ZNF808: variants seen among roughly 807,000 people sequenced by gnomAD.
ZNF808 encodes the protein zinc finger protein 808.
Under a neutral mutation model 8.7 loss-of-function variants are expected in ZNF808, and 5 were observed. That is an observed-to-expected ratio of 0.58 (90% CI 0.30 to 1.21). The LOEUF is 1.21. Among genes scored for constraint, ZNF808 ranks in the 50% most tolerant of loss-of-function variants. The pLI, the probability that ZNF808 is intolerant of heterozygous loss-of-function variation, is 0.07. For missense variants in ZNF808, 1,103 were observed against 1,098.4 expected, an observed-to-expected ratio of 1.00 and a Z score of -0.06; for synonymous variants, 380 against 366.0, an observed-to-expected ratio of 1.04 and a Z score of -0.44.
At chr19:52,561,364 T>C (rs544080088) in intron 3 of ZNF808, among the ~76,000 whole-genome samples, 3 of 152,114 alleles carry the variant, frequency 2.0e-5, no homozygotes, top group East Asian at 3.9e-4. Context: ...CTTTCTGTTC[T>C]TGTATTTTCT....
intron 2 of ZNF808, among the ~76,000 whole-genome samples, chr19:52,533,867 A>AG (rs200207703): frequency 6.9e-6 from 1 of 145,912 alleles, no homozygotes; most frequent in African/African-American, 2.6e-5. Flanking sequence ...AAAAAAAAAA[A>AG]GGCAAGCAAC....
rs11330924 is a variant in ZNF808, at chr19:52,537,687, C to CA, written c.-20+4694dup. On this transcript the variant is annotated intron_variant, in intron 2 of 4. Transcript: ENST00000359798. ...TGGTCAAAAGAGCAAGACCCTGTCT[C>CA]AAAAAAAAAAAAAAAAGGGTGGGGG... Among the ~76,000 whole-genome samples the CA allele has an allele frequency of 7.5e-3, 879 of 117,010 alleles. 6 individuals carry two copies. Among genetic ancestry groups the CA allele is most frequent in the East Asian group, 0.013 (54 of 4,280 alleles). The allele number at this position is 117,010 out of a possible 152,430, so 76.8% of individuals were successfully genotyped here.
chr19:52,550,826 A>C (rs1407136659), intron 4 of ZNF808, among the ~76,000 whole-genome samples: 5 of 152,172 alleles, frequency 3.3e-5, no homozygotes, highest in African/African-American at 9.7e-5. Context: ...TTTATAGTAC[A>C]TTCTCAACTT....
Position 52,555,533 on chromosome 19 carries a change from A to C in ZNF808, c.2617A>C (p.Lys873Gln), listed in dbSNP as rs2059827896. 3 of 1,614,136 alleles carry C rather than the reference A, an allele frequency of 1.9e-6. No homozygotes were observed. Among genetic ancestry groups the C allele is most frequent in the Non-Finnish European group, 8.5e-7 (1 of 1,180,026 alleles). ...ACATAGGATAATTCATACTGGAGAGAAACCTTACAAGTGTAATGAGTGTGG... is the reference window on the plus strand; with the variant it reads ...ACATAGGATAATTCATACTGGAGAGCAACCTTACAAGTGTAATGAGTGTGG... Reference protein sequence around the residue: ...KRHRIIHTGEKPYKCNECGKA... With the variant: ...KRHRIIHTGEQPYKCNECGKA... Residue 873 changes from lysine to glutamine, a missense_variant, in exon 5 of 5, where the codon AAA becomes CAA. Physicochemically the swap from Lys to Gln is moderately conservative, Grantham distance 53. Transcript: ENST00000359798.
At chr19:52,531,877 T>C (rs1308249151) in intron 1 of ZNF808, among the ~76,000 whole-genome samples, 1 of 152,198 alleles carries the variant, frequency 6.6e-6, no homozygotes, top group Admixed American at 6.5e-5. Context: ...TAGTCAGTTC[T>C]TATTCCTTTT....
At chr19:52,547,434 T>G in intron 3 of ZNF808, 78 bp from the exon 4 acceptor site, 1 of 1,602,558 alleles carries the variant, frequency 6.2e-7, no homozygotes, top group Non-Finnish European at 8.5e-7. Flanking sequence ...AAATACTTAT[T>G]TTCCCTTTTC....
chr19:52,553,524 A>G lies in ZNF808; in HGVS notation c.608A>G (p.His203Arg), dbSNP rs562008499. 14 of 1,614,186 alleles carry G rather than the reference A, an allele frequency of 8.7e-6. No homozygotes were observed. The African/African-American group carries it at 1.2e-4, about 14-fold the overall frequency. ...AGAATTTCCTGTAGGCCCCAAATCCATATTTCTAATAACTATGGGAATAAT... is the reference window on the plus strand; with the variant it reads ...AGAATTTCCTGTAGGCCCCAAATCCGTATTTCTAATAACTATGGGAATAAT... ...SQRISCRPQI[H>R]ISNNYGNNPL... The change falls in exon 5 of 5, where the codon CAT (histidine) becomes CGT (arginine). Residue 203 changes from histidine (H) to arginine (R), a missense_variant. Physicochemically the swap from His to Arg is conservative, Grantham distance 29 (BLOSUM62 0). Coordinates refer to ENST00000359798, the MANE Select transcript of ZNF808 (RefSeq NM_001039886.4).
downstream of ZNF808, among the ~76,000 whole-genome samples, chr19:52,561,279 G>A (rs2059857443): frequency 6.8e-6 from 1 of 147,346 alleles, no homozygotes; most frequent in African/African-American, 2.5e-5. Context: ...GGGTACATGT[G>A]CACAACGTGC....
intron 2 of ZNF808, among the ~76,000 whole-genome samples, chr19:52,541,195 C>T (rs1386861197): frequency 1.3e-5 from 2 of 150,874 alleles, no homozygotes; most frequent in African/African-American, 4.9e-5. Flanking sequence ...TGTGATCTGC[C>T]CGCCTCAGCC....
chr19:52,543,344 T>C lies in ZNF808; in HGVS notation c.60T>C (p.Pro20=). ...RKGKESGMAL[P]QGRLTFRDVA... ...GAAAGGAGTCAGGCATGGCTCTTCC[T>C]CAGGTGAAGTGATATTCCTCTGTGG... The change falls in exon 3 of 5, where the codon CCT becomes CCC. Residue 20 remains proline, a synonymous_variant. Coordinates refer to ENST00000359798, the MANE Select transcript of ZNF808 (RefSeq NM_001039886.4). 6.2e-7 allele frequency: 1 copy of C among 1,613,044 alleles called. No homozygotes were observed. The highest frequency in any genetic ancestry group is 8.5e-7 in the Non-Finnish European group (1 of 1,179,758).
rs747066303 is a variant in ZNF808, at chr19:52,554,937, G to A, written c.2021G>A (p.Gly674Asp). The A allele has an allele frequency of 1.8e-5, 29 of 1,614,020 alleles. No homozygotes were observed. The highest frequency in any genetic ancestry group is 2.3e-5 in the Non-Finnish European group (27 of 1,180,020). Residue 674 changes from glycine (G) to aspartate (D), a missense_variant, in exon 5 of 5, where the codon GGT becomes GAT. Coordinates refer to ENST00000359798, the MANE Select transcript of ZNF808 (RefSeq NM_001039886.4). ...CTTGTATGGCATCGTAGACTTCATG[G>A]TGGAGAGAAATCTTACAAATGTAAG... The part of the protein sequence containing the change: ...SSLVWHRRLH[G>D]GEKSYKCKVC...
At position 52,554,840 on chromosome 19, in the gene ZNF808, A is replaced by G. The variant is rs779194539; in HGVS notation, c.1924A>G (p.Thr642Ala). The G allele has an allele frequency of 1.2e-6, 2 of 1,614,168 alleles. No individual in the cohort carries two copies. Among genetic ancestry groups the G allele is most frequent in the Non-Finnish European group, 1.7e-6 (2 of 1,180,018 alleles). ...GTGGAATTCACAGCTGGCACGACAT[A>G]CAAGAATTCACACTGGAGAAAAAAC... The part of the protein sequence containing the change: ...FTWNSQLARH[T>A]RIHTGEKTYK... The change falls in exon 5 of 5, where the codon ACA becomes GCA. Residue 642 changes from threonine to alanine, a missense_variant. Transcript: ENST00000359798.
At chr19:52,530,737 A>G (rs2059554699) in intron 1 of ZNF808, among the ~76,000 whole-genome samples, 1 of 152,172 alleles carries the variant, frequency 6.6e-6, no homozygotes, top group Non-Finnish European at 1.5e-5. Context: ...TAATCCCAGC[A>G]CTTTGGGAGC....
rs751090519 is a variant in ZNF808, at chr19:52,553,919, G to A, written c.1003G>A (p.Ala335Thr). ...AAATTCAGCCCTTGTAATTCATAAG[G>A]CAATTCATACTGGAGAGAAACCTTA... is the stretch of plus-strand genomic sequence containing the variant. ...RQNSALVIHK[A>T]IHTGEKPYKC... The change falls in exon 5 of 5, where the codon GCA (alanine) becomes ACA (threonine). Residue 335 changes from alanine to threonine, a missense_variant. Ala to Thr is a moderately conservative substitution (Grantham distance 58). Transcript: ENST00000359798. 6.2e-7 allele frequency: 1 copy of A among 1,613,700 alleles called. No homozygotes were observed. Among genetic ancestry groups the A allele is most frequent in the Non-Finnish European group, 8.5e-7 (1 of 1,179,982 alleles).
chr19:52,564,015 G>T (rs916431407), exon 4 of ZNF808: 1 of 487,646 alleles, frequency 2.1e-6, no homozygotes, highest in Admixed American at 3.4e-5. Context: ...AAACAAAAAG[G>T]TCTAGCCCCC....
At position 52,543,324 on chromosome 19, in the gene ZNF808, G is replaced by A. The variant is rs770658883; in HGVS notation, c.40G>A (p.Glu14Lys). The A allele has an allele frequency of 8.1e-6, 13 of 1,613,594 alleles. No individual in the cohort carries two copies. The South Asian group carries it at 1.3e-4, about 16-fold the overall frequency. ...EEAAQKRKGK[E>K]SGMALPQGRL... ...AGCAGCTCAGAAGAGGAAAGGAAAG[G>A]AGTCAGGCATGGCTCTTCCTCAGGT... The change falls in exon 3 of 5, where the codon GAG (glutamate) becomes AAG (lysine). Residue 14 changes from glutamate (E) to lysine (K), a missense_variant. Coordinates refer to ENST00000359798, the MANE Select transcript of ZNF808 (RefSeq NM_001039886.4).
chr19:52,545,536 A>G (rs1191241093), intron 3 of ZNF808, among the ~76,000 whole-genome samples: 1 of 152,152 alleles, frequency 6.6e-6, no homozygotes, highest in Non-Finnish European at 1.5e-5. Flanking sequence ...TCCCACCACT[A>G]TGGAAGGCTG....
At chr19:52,535,070 A>G (rs1239601096) in intron 2 of ZNF808, among the ~76,000 whole-genome samples, 2 of 151,394 alleles carry the variant, frequency 1.3e-5, no homozygotes, top group South Asian at 2.1e-4. Context: ...GGTGGATCAC[A>G]TCTGTAATCC....
chr19:52,547,872 T>C (rs903232144), intron 4 of ZNF808, among the ~76,000 whole-genome samples: 1 of 151,962 alleles, frequency 6.6e-6, no homozygotes, highest in Non-Finnish European at 1.5e-5. Context: ...CCTGAGTAGC[T>C]GGGATTACAG....
Sources: allele counts gnomAD v4.1 joint callset (sites outside exome capture counted in the v4.1 genomes callset), GRCh38; gene constraint gnomAD v4.1.1; transcripts MANE v1.5; gene names NCBI Gene and HGNC (gene_info 2026-07-23, HGNC 2026-07-21).